Variants in TOX observed in about 807,000 individuals in gnomAD.
TOX encodes the protein thymocyte selection-associated high mobility group box protein TOX.
Under a neutral mutation model 53.7 loss-of-function variants are expected in TOX, and 11 were observed. The observed-to-expected ratio is 0.20, with a 90% CI of 0.13 to 0.34. TOX has a LOEUF of 0.34. Ranked by LOEUF, TOX falls within the 10% of genes least tolerant of loss-of-function variation. TOX has a pLI of 1.00. For missense variants in TOX, 570 were observed against 664.6 expected, an observed-to-expected ratio of 0.86 and a Z score of 1.56; for synonymous variants, 225 against 245.3, an observed-to-expected ratio of 0.92 and a Z score of 0.77.
chr8:58,971,695 TG>T (rs1411733713), intron 1 of TOX, among the ~76,000 whole-genome samples: 2 of 16,304 alleles, frequency 1.2e-4, no homozygotes, highest in Admixed American at 7.3e-4. Context: ...TTTTTCGTTT[TG>T]TTTTTTTTTG....
intron 1 of TOX, among the ~76,000 whole-genome samples, chr8:58,986,522 A>C (rs1813330899): frequency 6.6e-6 from 1 of 152,206 alleles, no homozygotes; most frequent in African/African-American, 2.4e-5. Context: ...TTTAAGCTCA[A>C]AGAGCAATTT....
chr8:58,895,638 A>G (rs1160253048), intron 3 of TOX, among the ~76,000 whole-genome samples: 1 of 152,154 alleles, frequency 6.6e-6, no homozygotes, highest in Admixed American at 6.5e-5. Context: ...TGACCTTCAG[A>G]ATTATGTGGA....
chr8:58,977,782 T>C (rs1418787160), intron 1 of TOX, among the ~76,000 whole-genome samples: 1 of 152,180 alleles, frequency 6.6e-6, no homozygotes, highest in Non-Finnish European at 1.5e-5. Context: ...CACACACATT[T>C]ATCAATTAAG....
In TOX at chr8:59,095,692, G is replaced by A. The variant is rs763730626; in HGVS notation, c.102+23194C>T. ...TGGGATTACAGGCGTGAGCCACTGCGCCCAGACAATATTAAAAATAATTTT... is the reference window on the plus strand; with the variant it reads ...TGGGATTACAGGCGTGAGCCACTGCACCCAGACAATATTAAAAATAATTTT... On this transcript the variant is annotated intron_variant, in intron 1 of 8. Coordinates refer to ENST00000361421, the MANE Select transcript of TOX (RefSeq NM_014729.3). 3.9e-5 allele frequency among the ~76,000 whole-genome samples: 6 copies of A among 152,286 alleles called. No individual in the cohort carries two copies. In the South Asian group the frequency reaches 8.3e-4, roughly 21 times the overall value.
intron 1 of TOX, among the ~76,000 whole-genome samples, chr8:59,035,608 G>A (rs1326575690): frequency 1.3e-5 from 2 of 152,178 alleles, no homozygotes; most frequent in Non-Finnish European, 2.9e-5. Flanking sequence ...ATCTCTCAGA[G>A]CCTATAAATA....
intron 3 of TOX, among the ~76,000 whole-genome samples, chr8:58,913,963 T>A (rs561726889): frequency 6.6e-6 from 1 of 152,352 alleles, no homozygotes. Flanking sequence ...GAGCACGCGC[T>A]GAAAGTGTGC....
At chr8:59,022,496 G>A (rs950664249) in intron 1 of TOX, among the ~76,000 whole-genome samples, 9 of 152,234 alleles carry the variant, frequency 5.9e-5, no homozygotes, top group African/African-American at 1.7e-4. Context: ...AACAGCCAAC[G>A]GGATTTAAAC....
intron 1 of TOX, among the ~76,000 whole-genome samples, chr8:58,975,403 T>C (rs111831057): frequency 0.036 from 5,510 of 152,202 alleles, 302 homozygotes; most frequent in African/African-American, 0.12. Flanking sequence ...ATTAAGTCCT[T>C]AATTTGGAAT....
chr8:58,904,011 C>T (rs766900482), intron 3 of TOX, among the ~76,000 whole-genome samples: 7 of 152,166 alleles, frequency 4.6e-5, no homozygotes, highest in Admixed American at 1.3e-4. Context: ...CACACAAGTA[C>T]TACCAAAACC....
At chr8:58,848,614 G>A (rs1382818901) in intron 4 of TOX, among the ~76,000 whole-genome samples, 1 of 152,074 alleles carries the variant, frequency 6.6e-6, no homozygotes, top group African/African-American at 2.4e-5. Context: ...GTGTCTTAAA[G>A]TATCTCTTAT....
At chr8:58,941,546 A>G (rs1563396052) in intron 2 of TOX, among the ~76,000 whole-genome samples, 1 of 152,232 alleles carries the variant, frequency 6.6e-6, no homozygotes, top group Non-Finnish European at 1.5e-5. Context: ...GTTGAATGAT[A>G]CAAAATTGCC....
intron 1 of TOX, among the ~76,000 whole-genome samples, chr8:59,098,043 A>G (rs1804742610): frequency 6.6e-6 from 1 of 151,736 alleles, no homozygotes; most frequent in African/African-American, 2.4e-5. Flanking sequence ...CACAAATATG[A>G]TCTTGTTGCA....
intron 2 of TOX, among the ~76,000 whole-genome samples, chr8:58,953,675 G>T (rs1223661178): frequency 1.3e-5 from 2 of 152,126 alleles, no homozygotes; most frequent in Non-Finnish European, 2.9e-5. Context: ...ACTTTGTTGG[G>T]CTAACTCGAT....
At chr8:59,073,548 G>T (rs11986349) in intron 1 of TOX, among the ~76,000 whole-genome samples, 7,993 of 152,120 alleles carry the variant, frequency 0.053, 469 homozygotes, top group African/African-American at 0.15. Flanking sequence ...TATAGTAGGA[G>T]ACTTTTTTTT....
chr8:59,049,318 C>G (rs1803746380), intron 1 of TOX, among the ~76,000 whole-genome samples: 3 of 152,136 alleles, frequency 2.0e-5, no homozygotes, highest in African/African-American at 7.2e-5. Context: ...AGTGGCTGAT[C>G]AATAAACTCT....
chr8:58,876,268 CA>C (rs1811281820), intron 3 of TOX, among the ~76,000 whole-genome samples: 2 of 151,992 alleles, frequency 1.3e-5, no homozygotes, highest in African/African-American at 4.8e-5. Flanking sequence ...ACTGTATACA[CA>C]TTTTTTTATT....
intron 3 of TOX, 122 bp downstream of exon 3, chr8:58,939,180 T>C: frequency 8.0e-7 from 1 of 1,255,850 alleles, no homozygotes; most frequent in Non-Finnish European, 1.1e-6. Context: ...TAAATAACTG[T>C]CTCCACAGCT....
At chr8:59,078,267 T>C (rs918075251) in intron 1 of TOX, among the ~76,000 whole-genome samples, 1 of 152,162 alleles carries the variant, frequency 6.6e-6, no homozygotes, top group Non-Finnish European at 1.5e-5. Context: ...TCCAGGAGCC[T>C]GGGACAGCAT....
chr8:58,863,363 G>T (rs1302854756), intron 3 of TOX, among the ~76,000 whole-genome samples: 4 of 152,022 alleles, frequency 2.6e-5, no homozygotes, highest in Non-Finnish European at 5.9e-5. Context: ...ATACTGACAG[G>T]TCCCACCTAA....
Sources: gnomAD v4.1 joint callset for allele counts (sites outside exome capture counted in the v4.1 genomes callset) on GRCh38, gnomAD v4.1.1 for gene constraint, MANE v1.5 for transcripts, NCBI Gene and HGNC (gene_info 2026-07-23, HGNC 2026-07-21) for gene names.